PRKG1: variants seen among roughly 807,000 people sequenced by gnomAD.
PRKG1 encodes protein kinase cGMP-dependent 1.
PRKG1 carries 35 observed loss-of-function variants against 88.1 expected under a neutral mutation model. That is an observed-to-expected ratio of 0.40 (90% CI 0.30 to 0.53). The LOEUF (loss-of-function observed/expected upper bound fraction) is 0.53. Among genes scored for constraint, PRKG1 ranks in the 20% least tolerant of loss-of-function variants. The pLI is 0.59. For missense variants in PRKG1, 540 were observed against 839.8 expected, an observed-to-expected ratio of 0.64 and a Z score of 4.41; for synonymous variants, 303 against 292.5, an observed-to-expected ratio of 1.04 and a Z score of -0.37.
chr10:51,771,325 G>A (rs1207769087), intron 3 of PRKG1, among the ~76,000 whole-genome samples: 1 of 152,048 alleles, frequency 6.6e-6, no homozygotes, highest in African/African-American at 2.4e-5. Flanking sequence ...TGATTACTTA[G>A]ACTTTTCTTT....
chr10:51,989,947 C>A (rs1031604583), intron 5 of PRKG1, among the ~76,000 whole-genome samples: 1 of 152,060 alleles, frequency 6.6e-6, no homozygotes, highest in Non-Finnish European at 1.5e-5. Context: ...TCAGGTTTTA[C>A]ATTTAAATCT....
intron 3 of PRKG1, among the ~76,000 whole-genome samples, chr10:51,473,547 A>G (rs1297249753): frequency 6.6e-6 from 1 of 151,922 alleles, no homozygotes; most frequent in Non-Finnish European, 1.5e-5. Flanking sequence ...GGCAAAAGCT[A>G]CCTTCCATAG....
chr10:51,689,235 AT>A (rs372023098), intron 3 of PRKG1, among the ~76,000 whole-genome samples: 2 of 115,356 alleles, frequency 1.7e-5, no homozygotes, highest in Admixed American at 1.0e-4. Flanking sequence ...TAATAAATCT[AT>A]CTACTATCTA....
In PRKG1 at chr10:52,166,802, T is replaced by C. The variant is rs1386003911; in HGVS notation, c.1076+4839T>C. 5.1e-3 allele frequency among the ~76,000 whole-genome samples: 6 copies of C among 1,186 alleles called. No homozygotes were observed. The Non-Finnish European group carries it at 0.14, about 27-fold the overall frequency. 0.8% of individuals were successfully genotyped at this position (1,186 alleles called of 152,430 possible). A position where few individuals can be genotyped will look rare whatever the true frequency, so the allele number is the denominator to read the frequency against. ...ATAAAAAAGCCTATATATATACATA[T>C]ATATATGTATATATATGTATATATA... On this transcript the variant is annotated intron_variant, in intron 9 of 17. Coordinates refer to ENST00000373980, the MANE Select transcript of PRKG1 (RefSeq NM_006258.4).
At chr10:51,981,499 T>C (rs528658162) in intron 5 of PRKG1, among the ~76,000 whole-genome samples, 1 of 152,022 alleles carries the variant, frequency 6.6e-6, no homozygotes, top group African/African-American at 2.4e-5. Flanking sequence ...AGCAGTATAA[T>C]TACTGGAACC....
At chr10:51,520,407 A>G (rs1250996346) in intron 3 of PRKG1, among the ~76,000 whole-genome samples, 2 of 151,210 alleles carry the variant, frequency 1.3e-5, no homozygotes, top group East Asian at 1.9e-4. Context: ...TCTAGATTAT[A>G]TAAAGTATAA....
intron 5 of PRKG1, among the ~76,000 whole-genome samples, chr10:51,956,499 T>C (rs1843306126): frequency 6.6e-6 from 1 of 152,088 alleles, no homozygotes; most frequent in Non-Finnish European, 1.5e-5. Flanking sequence ...GAACTTAGGA[T>C]ACTTTCCAAG....
intron 2 of PRKG1, among the ~76,000 whole-genome samples, chr10:51,225,481 C>T (rs1838668191): frequency 6.6e-6 from 1 of 152,086 alleles, no homozygotes; most frequent in Non-Finnish European, 1.5e-5. Flanking sequence ...ACCAGGAACC[C>T]ATATTTGTTT....
chr10:52,081,630 T>G (rs1176107922), intron 7 of PRKG1: 3 of 456,528 alleles, frequency 6.6e-6, no homozygotes, highest in Non-Finnish European at 1.3e-5. Flanking sequence ...AAGCAAAACA[T>G]GTTTCTTCAT....
At chr10:51,315,945 T>C (rs1451907936) in intron 2 of PRKG1, among the ~76,000 whole-genome samples, 3 of 152,204 alleles carry the variant, frequency 2.0e-5, no homozygotes, top group African/African-American at 4.8e-5. Context: ...TTTAATTTGA[T>C]ATTTGTTCTT....
chr10:51,784,845 T>G (rs1838687753), intron 3 of PRKG1, among the ~76,000 whole-genome samples: 1 of 152,144 alleles, frequency 6.6e-6, no homozygotes, highest in South Asian at 2.1e-4. Context: ...ATTACATTCA[T>G]TTTTGTTTTT....
chr10:51,882,467 TG>T (rs1177032354), intron 4 of PRKG1, among the ~76,000 whole-genome samples: 3 of 152,234 alleles, frequency 2.0e-5, no homozygotes, highest in African/African-American at 7.2e-5. Flanking sequence ...AAAGCCTCAT[TG>T]TATGTTAGGT....
At chr10:52,032,211 T>C (rs1415408743) in intron 5 of PRKG1, among the ~76,000 whole-genome samples, 3 of 152,206 alleles carry the variant, frequency 2.0e-5, no homozygotes, top group African/African-American at 4.8e-5. Context: ...TTTTCTAGGA[T>C]CATTGTTACT....
intron 3 of PRKG1, among the ~76,000 whole-genome samples, chr10:51,624,614 AT>A (rs1839289868): frequency 5.9e-5 from 9 of 152,210 alleles, no homozygotes; most frequent in Admixed American, 5.9e-4. Context: ...GCTTCAACAC[AT>A]CAGTGTTTCT....
At chr10:51,584,942 G>A (rs1315208928) in intron 3 of PRKG1, among the ~76,000 whole-genome samples, 3 of 151,978 alleles carry the variant, frequency 2.0e-5, no homozygotes, top group Non-Finnish European at 2.9e-5. Flanking sequence ...GAGAGGATTT[G>A]GTTAGTTTCT....
chr10:51,459,260 G>A (rs543891400), intron 2 of PRKG1, among the ~76,000 whole-genome samples: 7 of 152,204 alleles, frequency 4.6e-5, no homozygotes, highest in African/African-American at 1.7e-4. Flanking sequence ...TAAGAATTTG[G>A]AGAGAGGGGT....
intron 2 of PRKG1, among the ~76,000 whole-genome samples, chr10:51,375,858 G>A (rs1842807547): frequency 6.6e-6 from 1 of 152,170 alleles, no homozygotes; most frequent in South Asian, 2.1e-4. Context: ...GATAACAAGA[G>A]TGAAGTAATT....
intron 5 of PRKG1, among the ~76,000 whole-genome samples, chr10:51,987,893 A>C (rs549193041): frequency 6.6e-6 from 1 of 152,194 alleles, no homozygotes; most frequent in Non-Finnish European, 1.5e-5. Context: ...TAAAGTTTGA[A>C]AGTTGCTGAA....
At chr10:51,834,702 G>GAGAGAA (rs3029945) in intron 4 of PRKG1, among the ~76,000 whole-genome samples, 7 of 144,150 alleles carry the variant, frequency 4.9e-5, no homozygotes, top group South Asian at 2.2e-4. Flanking sequence ...GAAAGAGAGA[G>GAGAGAA]AGAGAAAGAG....
Sources: allele counts gnomAD v4.1 joint callset (sites outside exome capture counted in the v4.1 genomes callset), GRCh38; gene constraint gnomAD v4.1.1; transcripts MANE v1.5; gene names NCBI Gene and HGNC (gene_info 2026-07-23, HGNC 2026-07-21).